DNAH1: variants seen among roughly 807,000 people sequenced by gnomAD.
DNAH1 encodes the protein axonemal beta dynein heavy chain 1.
DNAH1 carries 327 observed loss-of-function variants against 484.3 expected under a neutral mutation model. The observed-to-expected ratio is 0.68, with a 90% CI of 0.62 to 0.74. The LOEUF (loss-of-function observed/expected upper bound fraction) is 0.74, where lower values mean the gene tolerates loss of function less well. DNAH1 is among the 30% of genes least tolerant of loss of function. The pLI is 0.00. For synonymous variants in DNAH1, 2,192 were observed against 2,191.9 expected, an observed-to-expected ratio of 1.00 and a Z score of 0.00; for missense variants, 5,052 against 5,546.8, an observed-to-expected ratio of 0.91 and a Z score of 2.83.
rs1704762860 is a variant in DNAH1 at position 52,398,862 on chromosome 3, G to A, written c.12102G>A (p.Leu4034=). Residue 4034 remains leucine (L), a synonymous_variant, in exon 76 of 78, where the codon CTG becomes CTA. Coordinates refer to ENST00000420323, the MANE Select transcript of DNAH1 (RefSeq NM_015512.5). ...ACTGGCCTCACAGGTACAATCGGCTGCTGCAGGTGATCACACAGACACTGC... is the reference window on the plus strand; with the variant it reads ...ACTGGCCTCACAGGTACAATCGGCTACTGCAGGTGATCACACAGACACTGC... ...LVQEVIRYNR[L]LQVITQTLQD... The A allele has an allele frequency of 6.5e-7, 1 of 1,547,992 alleles. No homozygotes were observed. Among genetic ancestry groups the A allele is most frequent in the Admixed American group, 1.9e-5 (1 of 52,478 alleles).
chr3:52,388,958 T>A (rs1704245174), intron 59 of DNAH1, 21 bp downstream of exon 59: 2 of 1,570,236 alleles, frequency 1.3e-6, no homozygotes, highest in Admixed American at 1.8e-5. Flanking sequence ...CCCACCTCTG[T>A]CTCTGACCAG....
At chr3:52,314,195 A>G (rs1700877762), upstream of DNAH1, among the ~76,000 whole-genome samples, 2 of 152,246 alleles carry the variant, frequency 1.3e-5, no homozygotes, top group Admixed American at 6.5e-5. Flanking sequence ...GGACTGAGGA[A>G]AAATCAGAGG....
In DNAH1 at chr3:52,386,014, G is replaced by C; in HGVS notation, c.8626-146G>C. On this transcript the variant is annotated intron_variant, in intron 54 of 77. Coordinates refer to ENST00000420323, the MANE Select transcript of DNAH1 (RefSeq NM_015512.5). ...GGTGAGCACTCAGGAGGTGGAAGGG[G>C]CTCCTGGTATTCCCAGACCTCTCTG... 3 of 911,010 alleles carry C rather than the reference G, an allele frequency of 3.3e-6. No individual in the cohort carries two copies. The South Asian group carries it at 5.5e-5, about 17-fold the overall frequency. The allele number at this position is 911,010 out of a possible 1,614,324, so 56.4% of individuals were successfully genotyped here. A position where few individuals can be genotyped will look rare whatever the true frequency, so the allele number is the denominator to read the frequency against.
chr3:52,393,510 G>C, intron 66 of DNAH1, 25 bp downstream of exon 66: 1 of 1,612,532 alleles, frequency 6.2e-7, no homozygotes, highest in Non-Finnish European at 8.5e-7. Flanking sequence ...ACCCAGGACA[G>C]ACTGCCTGAG....
intron 56 of DNAH1, among the ~76,000 whole-genome samples, chr3:52,387,841 C>T (rs1344520838): frequency 1.3e-5 from 2 of 152,152 alleles, no homozygotes; most frequent in Middle Eastern, 3.2e-3. Context: ...CATCCCAATA[C>T]CTGCTGATGG....
upstream of DNAH1, among the ~76,000 whole-genome samples, chr3:52,314,641 G>T (rs2153222092): frequency 6.6e-6 from 1 of 152,322 alleles, no homozygotes; most frequent in Admixed American, 6.5e-5. Flanking sequence ...CCACCCTCCA[G>T]TTGGGAGAAA....
intron 23 of DNAH1, 74 bp downstream of exon 23, chr3:52,357,809 G>T: frequency 4.4e-6 from 7 of 1,575,586 alleles, no homozygotes; most frequent in Non-Finnish European, 6.0e-6. Flanking sequence ...CCCTGCTCAG[G>T]CTAGGGTGCG....
rs1460754949 is a variant in DNAH1 at position 52,355,611 on chromosome 3, C to T, written c.3693+556C>T. 6.6e-6 allele frequency among the ~76,000 whole-genome samples: 1 copy of T among 152,252 alleles called. No individual in the cohort carries two copies. The highest frequency in any genetic ancestry group is 1.9e-4 in the East Asian group (1 of 5,198). The stretch of plus-strand genomic sequence containing the variant: ...GGGGCCAGCCTGCAGGTGTGATATC[C>T]CCTTCCCCGGGCCTCCCTGATAGCT... On this transcript the variant is annotated intron_variant, in intron 21 of 77. Transcript: ENST00000420323. The surrounding 1 kb of genome is among the most constrained non-coding windows in gnomAD (Gnocchi z 4.5).
chr3:52,383,922 C>T lies in DNAH1; in HGVS notation c.8213C>T (p.Thr2738Ile), dbSNP rs1424693779. 1.2e-5 allele frequency: 20 copies of T among 1,613,564 alleles called. No homozygotes were observed. Among genetic ancestry groups the T allele is most frequent in the Non-Finnish European group, 1.7e-5 (20 of 1,179,664 alleles). The change falls in exon 52 of 78, where the codon ACC becomes ATC. Residue 2738 changes from threonine to isoleucine, a missense_variant. Thr to Ile is a moderately conservative substitution (Grantham distance 89). Transcript: ENST00000420323. ...TTTCCCTCCCTGGTCAACTGCTGTACCATCGACTGGTTTAACGAGTGGCCG... is the reference window on the plus strand; with the variant it reads ...TTTCCCTCCCTGGTCAACTGCTGTATCATCGACTGGTTTAACGAGTGGCCG... ...RQFPSLVNCC[T>I]IDWFNEWPAE...
chr3:52,400,395 G>A lies in DNAH1; in HGVS notation c.12747G>A (p.Gln4249=), dbSNP rs1013616661. 5 of 1,613,920 alleles carry A rather than the reference G, an allele frequency of 3.1e-6. No homozygotes were observed. The highest frequency in any genetic ancestry group is 2.7e-5 in the African/African-American group (2 of 74,932). Residue 4249 remains glutamine (Q), a synonymous_variant, in exon 78 of 78, where the codon CAG becomes CAA. Coordinates refer to ENST00000420323, the MANE Select transcript of DNAH1 (RefSeq NM_015512.5). ...TGGAGATCCCCACCCATCAGCCCCAGCGACACTGGATAAAGCGTGGTGTGG... is the reference window on the plus strand; with the variant it reads ...TGGAGATCCCCACCCATCAGCCCCAACGACACTGGATAAAGCGTGGTGTGG... ...IAVEIPTHQP[Q]RHWIKRGVAL... is the part of the protein sequence containing the mutation.
At position 52,364,613 on chromosome 3, in the gene DNAH1, C is replaced by A; in HGVS notation, c.5245-25C>A. The A allele has an allele frequency of 6.2e-7, 1 of 1,613,080 alleles. No individual in the cohort carries two copies. ...GCCTTGGAGAGGGACAGTGCTCACC[C>A]ATGCCTCCTTCTGTATGGCGACAGG... On this transcript the variant is annotated intron_variant, in intron 32 of 77. Transcript: ENST00000420323. The surrounding 1 kb of genome is among the most constrained non-coding windows in gnomAD (Gnocchi z 4.2).
In DNAH1 at chr3:52,322,637, C is replaced by G. The variant is rs749686881; in HGVS notation, c.195C>G (p.Pro65=). 2 of 1,613,790 alleles carry G rather than the reference C, an allele frequency of 1.2e-6. No homozygotes were observed. The highest frequency in any genetic ancestry group is 1.7e-6 in the Non-Finnish European group (2 of 1,179,830). Residue 65 remains proline, a synonymous_variant, in exon 2 of 78, where the codon CCC becomes CCG. Transcript: ENST00000420323. ...CCAAGCTCCCACATTTACCCCTGCC[C>G]CCGGCCCCACCCACACTCTCAGACT... ...LDPKLPHLPL[P]PAPPTLSDLG... is the part of the protein sequence containing the mutation.
In DNAH1 at chr3:52,355,025, C is replaced by T. The variant is rs1702552132; in HGVS notation, c.3663C>T (p.Asn1221=). 8.1e-6 allele frequency: 13 copies of T among 1,613,788 alleles called. No individual in the cohort carries two copies. The highest frequency in any genetic ancestry group is 1.1e-5 in the Non-Finnish European group (13 of 1,179,904). The change falls in exon 21 of 78, where the codon AAC becomes AAT. Residue 1221 remains asparagine, a synonymous_variant. Coordinates refer to ENST00000420323, the MANE Select transcript of DNAH1 (RefSeq NM_015512.5). This position sits in a 1 kb window ranked among gnomAD's most constrained non-coding sequence, Gnocchi z 4.5. ...PYKKPFEQRI[N]SWENKLKLTQ... ...AGAAGCCCTTTGAGCAGCGCATCAA[C>T]TCCTGGGAGAACAAACTGAAGCTGA... is the stretch of plus-strand genomic sequence containing the variant.
chr3:52,364,630 G>A lies in DNAH1; in HGVS notation c.5245-8G>A, dbSNP rs982756864. On this transcript the variant is annotated splice_region_variant and splice_polypyrimidine_tract_variant and intron_variant, in intron 32 of 77. Coordinates refer to ENST00000420323, the MANE Select transcript of DNAH1 (RefSeq NM_015512.5). The surrounding 1 kb of genome is among the most constrained non-coding windows in gnomAD (Gnocchi z 4.2). The stretch of plus-strand genomic sequence containing the variant: ...TGCTCACCCATGCCTCCTTCTGTAT[G>A]GCGACAGGATCACTATGACTTCGGG... 1 of 1,613,964 alleles carries A rather than the reference G, an allele frequency of 6.2e-7. No individual in the cohort carries two copies. The highest frequency in any genetic ancestry group is 1.7e-5 in the Admixed American group (1 of 60,034).
chr3:52,394,890 A>C (rs1328028964), intron 67 of DNAH1, 25 bp from the exon 68 acceptor site: 1 of 1,609,686 alleles, frequency 6.2e-7, no homozygotes, highest in Non-Finnish European at 8.5e-7. Context: ...GCTGGCTCTC[A>C]GGGAGGTGTG....
intron 28 of DNAH1, among the ~76,000 whole-genome samples, 196 bp from the exon 29 acceptor site, chr3:52,360,968 G>A (rs1559528912): frequency 6.6e-6 from 1 of 152,158 alleles, no homozygotes; most frequent in Non-Finnish European, 1.5e-5. Flanking sequence ...AAGCTGGGCA[G>A]GGTGGTGAAA....
chr3:52,350,526 A>G lies in DNAH1; in HGVS notation c.2665A>G (p.Met889Val), dbSNP rs1420600800. 6.2e-7 allele frequency: 1 copy of G among 1,613,764 alleles called. No homozygotes were observed. Among genetic ancestry groups the G allele is most frequent in the Non-Finnish European group, 8.5e-7 (1 of 1,179,796 alleles). ...VGLEERIVKV[M>V]DDYQVMDEFL... ...TGTGCAGGAGCGGATTGTGAAGGTC[A>G]TGGATGACTACCAGGTCATGGATGA... is the stretch of plus-strand genomic sequence containing the variant. The change falls in exon 16 of 78, where the codon ATG (methionine) becomes GTG (valine). Residue 889 changes from methionine to valine, a missense_variant. Around this residue, in one of 4 missense-constraint regions of DNAH1, gnomAD observed 1,263 missense variants for 1,218.8 expected, o/e 1.04. Transcript: ENST00000420323.
chr3:52,394,002 G>A (rs1318929112), intron 66 of DNAH1, among the ~76,000 whole-genome samples: 1 of 152,260 alleles, frequency 6.6e-6, no homozygotes, highest in South Asian at 2.1e-4. Context: ...GCCTTCTCGA[G>A]CCTTGAGTGT....
At chr3:52,331,962 G>C (rs568257425) in intron 7 of DNAH1, among the ~76,000 whole-genome samples, 180 bp from the exon 8 acceptor site, 1 of 152,330 alleles carries the variant, frequency 6.6e-6, no homozygotes, top group African/African-American at 2.4e-5. Context: ...ATGACACCTT[G>C]TGAGATGGGC....
Sources: gnomAD v4.1 joint callset for allele counts (sites outside exome capture counted in the v4.1 genomes callset) on GRCh38, gnomAD v4.1.1 for gene constraint, gnomAD v4.1.1 regional missense constraint, Gnocchi (gnomAD v3.1) non-coding constraint, MANE v1.5 for transcripts, NCBI Gene and HGNC (gene_info 2026-07-23, HGNC 2026-07-21) for gene names.